The following MAD1L1 variants were observed in gnomAD, a reference collection of about 807,000 sequenced individuals.
MAD1L1 encodes mitotic arrest deficient 1 like 1.
Under a neutral mutation model 96.9 loss-of-function variants are expected in MAD1L1, and 95 were observed. The ratio of observed to expected loss-of-function variants is 0.98; its 90% CI spans 0.83 to 1.16. MAD1L1 has a LOEUF of 1.16. MAD1L1 is among the 50% of genes most tolerant of loss of function. The pLI is 0.00. For synonymous variants in MAD1L1, 473 were observed against 396.6 expected, an observed-to-expected ratio of 1.19 and a Z score of -2.29; for missense variants, 1,007 against 954.4, an observed-to-expected ratio of 1.06 and a Z score of -0.73.
chr7:1,948,789 A>G (rs10807766), intron 16 of MAD1L1, among the ~76,000 whole-genome samples: 149,708 of 152,276 alleles, frequency 0.98, 73,635 homozygotes, highest in Middle Eastern at 1. Flanking sequence ...GGCTGAGACC[A>G]GATCACCCTG....
intron 9 of MAD1L1, among the ~76,000 whole-genome samples, chr7:2,213,676 C>T (rs574785415): frequency 1.3e-5 from 2 of 152,172 alleles, no homozygotes; most frequent in African/African-American, 4.8e-5. Context: ...GGGAACCAAG[C>T]CCTGGAGCAG....
chr7:1,939,455 G>A (rs1778833527), intron 16 of MAD1L1, among the ~76,000 whole-genome samples: 1 of 151,910 alleles, frequency 6.6e-6, no homozygotes, highest in Non-Finnish European at 1.5e-5. Context: ...AGACTGGATG[G>A]GCACCCGGTC....
At chr7:1,872,129 TC>T (rs1562477724) in intron 18 of MAD1L1, among the ~76,000 whole-genome samples, 1 of 152,092 alleles carries the variant, frequency 6.6e-6, no homozygotes, top group Non-Finnish European at 1.5e-5. Context: ...CCATCTGCGC[TC>T]CCTCTGTCCC....
At chr7:2,009,620 G>T (rs1185765234) in intron 13 of MAD1L1, among the ~76,000 whole-genome samples, 1 of 152,200 alleles carries the variant, frequency 6.6e-6, no homozygotes. Flanking sequence ...GGAGGTCTGA[G>T]GATGACTGTG....
intron 10 of MAD1L1, among the ~76,000 whole-genome samples, chr7:2,162,449 G>GCGGAAGGC (rs532111299): frequency 6.6e-6 from 1 of 152,188 alleles, no homozygotes; most frequent in African/African-American, 2.4e-5. Flanking sequence ...CACAAACACT[G>GCGGAAGGC]CGGAAGGCCG....
intron 12 of MAD1L1, among the ~76,000 whole-genome samples, chr7:2,048,029 G>A (rs557446915): frequency 3.9e-4 from 59 of 152,210 alleles, no homozygotes; most frequent in African/African-American, 1.1e-3. Flanking sequence ...AAGTACACAC[G>A]TATGGACACA....
At chr7:1,874,409 G>A in intron 18 of MAD1L1, 2 of 414,508 alleles carry the variant, frequency 4.8e-6, no homozygotes, top group Non-Finnish European at 9.5e-6. Flanking sequence ...TAAGACGGTG[G>A]CCAGGCCGTG....
chr7:2,209,876 C>T (rs958515631), intron 10 of MAD1L1: 6 of 152,372 alleles, frequency 3.9e-5, no homozygotes, highest in Non-Finnish European at 4.4e-5. Flanking sequence ...CAGAGGCACG[C>T]ATGTCTCCAC....
At chr7:2,229,929 G>C in intron 3 of MAD1L1, 55 bp downstream of exon 3, 1 of 1,581,680 alleles carries the variant, frequency 6.3e-7, no homozygotes, top group Non-Finnish European at 8.6e-7. Context: ...AAGAGGTCCT[G>C]CCCGGGCCCA....
chr7:2,032,950 G>A (rs1562623811), intron 12 of MAD1L1, among the ~76,000 whole-genome samples: 1 of 152,252 alleles, frequency 6.6e-6, no homozygotes, highest in East Asian at 1.9e-4. Flanking sequence ...CCCGCAGAAG[G>A]ACGTGGAGAG....
chr7:1,968,450 T>C lies in MAD1L1; in HGVS notation c.1506-10731A>G, dbSNP rs771376705. Among the ~76,000 whole-genome samples the C allele has an allele frequency of 6.8e-6, 1 of 146,820 alleles. No individual in the cohort carries two copies. ...TCAGGTCCACCGTCAACGCCAGCAG[T>C]CATGTCCACCATCAATGCCTCAGTC... On this transcript the variant is annotated intron_variant, in intron 15 of 18. Coordinates refer to ENST00000265854, the MANE Select transcript of MAD1L1 (RefSeq NM_001013836.2). The surrounding 1 kb of genome is among the most constrained non-coding windows in gnomAD (Gnocchi z 5.6).
chr7:1,950,614 A>G (rs4721235), intron 16 of MAD1L1, among the ~76,000 whole-genome samples: 149,802 of 152,336 alleles, frequency 0.98, 73,697 homozygotes, highest in Middle Eastern at 1. Flanking sequence ...AGTCGACCCC[A>G]CACGGGAGCC....
chr7:2,136,033 T>C (rs1421833690), intron 11 of MAD1L1, among the ~76,000 whole-genome samples: 5 of 151,996 alleles, frequency 3.3e-5, no homozygotes, highest in African/African-American at 1.2e-4. Context: ...ACAGCCTTCC[T>C]TCTCCTAGAG....
At chr7:1,839,596 T>C (rs1209050716) in intron 18 of MAD1L1, among the ~76,000 whole-genome samples, 1 of 152,176 alleles carries the variant, frequency 6.6e-6, no homozygotes, top group Admixed American at 6.5e-5. Context: ...CATTTCCGGC[T>C]TAGTCAAAGG....
chr7:2,083,113 G>A (rs932435198), intron 11 of MAD1L1, among the ~76,000 whole-genome samples: 17 of 152,184 alleles, frequency 1.1e-4, no homozygotes, highest in African/African-American at 3.6e-4. Flanking sequence ...GCTGTCACTC[G>A]ACCAATAAAG....
In MAD1L1 at chr7:1,839,064, A is replaced by T. The variant is rs564991816; in HGVS notation, c.1999-22836T>A. Among the ~76,000 whole-genome samples the T allele has an allele frequency of 1.2e-3, 177 of 152,280 alleles. 1 individual carries two copies. The highest frequency in any genetic ancestry group is 4.2e-3 in the African/African-American group (175 of 41,550). On this transcript the variant is annotated intron_variant, in intron 18 of 18. Coordinates refer to ENST00000265854, the MANE Select transcript of MAD1L1 (RefSeq NM_001013836.2). ...GCCAACCGCGGCGGGTCCCACTCGC[A>T]GATGGCCAGCTGCCTCCGTGCCCTG...
At chr7:2,123,720 G>A (rs186517237) in intron 11 of MAD1L1, among the ~76,000 whole-genome samples, 3 of 152,306 alleles carry the variant, frequency 2.0e-5, no homozygotes, top group South Asian at 2.1e-4. Flanking sequence ...CTTCGCAGGC[G>A]GCGCTGAATC....
At position 2,055,649 on chromosome 7, in the gene MAD1L1, G is replaced by A. The variant is rs188377913; in HGVS notation, c.1218+13545C>T. 1.5e-4 allele frequency among the ~76,000 whole-genome samples: 21 copies of A among 141,942 alleles called. No individual in the cohort carries two copies. In the East Asian group the frequency reaches 4.1e-3, roughly 27 times the overall value. The allele number at this position is 141,942 out of a possible 152,430, so 93.1% of individuals were successfully genotyped here. A position where few individuals can be genotyped will look rare whatever the true frequency, so the allele number is the denominator to read the frequency against. ...CACACTACTGTACTCCAGCCTGGGT[G>A]ACACAGAGAGACCCTGTCTCAAAAA... On this transcript the variant is annotated intron_variant, in intron 12 of 18. Transcript: ENST00000265854.
chr7:1,844,153 A>T (rs113710684), intron 18 of MAD1L1: 3,928 of 154,530 alleles, frequency 0.025, 110 homozygotes, highest in Admixed American at 0.072. Flanking sequence ...GAACCGCTTA[A>T]CTCACATCCA....
Sources: allele counts gnomAD v4.1 joint callset (sites outside exome capture counted in the v4.1 genomes callset), GRCh38; gene constraint gnomAD v4.1.1; non-coding constraint Gnocchi (gnomAD v3.1); transcripts MANE v1.5; gene names NCBI Gene and HGNC (gene_info 2026-07-23, HGNC 2026-07-21).